The following POLN variants were observed in gnomAD, a reference collection of about 807,000 sequenced individuals.
POLN encodes DNA polymerase N.
Under a neutral mutation model 113.5 loss-of-function variants are expected in POLN, and 108 were observed. The observed-to-expected ratio is 0.95, with a 90% CI of 0.81 to 1.12. The LOEUF (loss-of-function observed/expected upper bound fraction) is 1.12. Ranked by LOEUF, POLN falls within the 50% of genes most tolerant of loss-of-function variation. POLN has a pLI of 0.00. For missense variants in POLN, 1,097 were observed against 1,077.1 expected (o/e 1.02, Z -0.26); for synonymous variants, 386 against 391.5 (o/e 0.99, Z 0.17).
Position 2,208,501 on chromosome 4 carries a change from G to T in POLN, c.214-14C>A, listed in dbSNP as rs1004645021. Reference sequence around the variant, plus strand: ...AGATTTAAGATCCTACAGAAAAATGGAAAATATTTCATTAGAATATGGACT... The same window carrying T: ...AGATTTAAGATCCTACAGAAAAATGTAAAATATTTCATTAGAATATGGACT... On this transcript the variant is annotated splice_polypyrimidine_tract_variant and intron_variant, in intron 4 of 25. Transcript: ENST00000511885. 1 of 1,492,438 alleles carries T rather than the reference G, an allele frequency of 6.7e-7. No individual in the cohort carries two copies. Among genetic ancestry groups the T allele is most frequent in the East Asian group, 2.3e-5 (1 of 43,966 alleles). 92.4% of individuals were successfully genotyped at this position (1,492,438 alleles called of 1,614,324 possible).
chr4:2,190,736 A>G (rs757543943), intron 7 of POLN, among the ~76,000 whole-genome samples: 1 of 152,212 alleles, frequency 6.6e-6, no homozygotes, highest in African/African-American at 2.4e-5. Flanking sequence ...TTCTGAAAAG[A>G]AGATATACAA....
chr4:2,074,903 G>A (rs748488509), intron 24 of POLN, among the ~76,000 whole-genome samples: 2 of 152,130 alleles, frequency 1.3e-5, no homozygotes, highest in Non-Finnish European at 2.9e-5. Context: ...AACCCCTTGG[G>A]CTGACCGCTG....
intron 20 of POLN, among the ~76,000 whole-genome samples, chr4:2,091,761 C>CTG (rs765518897): frequency 0.047 from 6,838 of 145,050 alleles, 394 homozygotes; most frequent in African/African-American, 0.13. Flanking sequence ...ACACGTGAAT[C>CTG]TGTGTGTGTG....
At position 2,126,645 on chromosome 4, in the gene POLN, C is replaced by G. The variant is rs1731588670; in HGVS notation, c.1982+1468G>C. On this transcript the variant is annotated intron_variant, in intron 19 of 25. Transcript: ENST00000511885. The surrounding 1 kb of genome is among the most constrained non-coding windows in gnomAD (Gnocchi z 4.6). ...GAGAGGAGTGGAGACCAGAGAGGAG[C>G]GGCGCCGTGCCCAGCATCAGGGGAG... Among the ~76,000 whole-genome samples the G allele has an allele frequency of 6.6e-6, 1 of 151,922 alleles. No individual in the cohort carries two copies. The highest frequency in any genetic ancestry group is 1.5e-5 in the Non-Finnish European group (1 of 67,998).
chr4:2,150,775 T>C (rs1441420783), intron 16 of POLN, among the ~76,000 whole-genome samples: 2 of 152,196 alleles, frequency 1.3e-5, no homozygotes, highest in Admixed American at 1.3e-4. Context: ...CTGGGACAAC[T>C]GGATGTCCAC....
chr4:2,233,339 T>C (rs1734649296), intron 2 of POLN, among the ~76,000 whole-genome samples: 1 of 152,208 alleles, frequency 6.6e-6, no homozygotes, highest in Non-Finnish European at 1.5e-5. Flanking sequence ...TTAAAATTGA[T>C]ACGGCATTTT....
chr4:2,203,110 C>T (rs1015484832), intron 5 of POLN, among the ~76,000 whole-genome samples: 2 of 152,080 alleles, frequency 1.3e-5, no homozygotes, highest in African/African-American at 4.8e-5. Flanking sequence ...ACAAAATGAG[C>T]CTCAATAAAT....
chr4:2,240,363 A>T (rs1734933779), intron 2 of POLN: 3 of 1,603,858 alleles, frequency 1.9e-6, no homozygotes, highest in Non-Finnish European at 1.7e-6. Flanking sequence ...AAATTGCGAT[A>T]AAAATACCAG....
chr4:2,162,354 G>A (rs1036500140), intron 13 of POLN, among the ~76,000 whole-genome samples: 1 of 151,452 alleles, frequency 6.6e-6, no homozygotes, highest in African/African-American at 2.4e-5. Context: ...CTGAGCCAGC[G>A]AGACCACGAA....
chr4:2,208,022 A>T lies in POLN; in HGVS notation c.679T>A (p.Tyr227Asn). 6.2e-7 allele frequency: 1 copy of T among 1,613,930 alleles called. No homozygotes were observed. The highest frequency in any genetic ancestry group is 8.5e-7 in the Non-Finnish European group (1 of 1,179,952). ...CCTAGCTGGGTGGAACCATCAGTATACATCACAGTTATCACCAGGGCTGCT... is the reference window on the plus strand; with the variant it reads ...CCTAGCTGGGTGGAACCATCAGTATTCATCACAGTTATCACCAGGGCTGCT... ...QAAALVITVMYTDGSTQLGAD... is the reference protein window; with the variant it reads ...QAAALVITVMNTDGSTQLGAD... The change falls in exon 5 of 26, where the codon TAT becomes AAT. Residue 227 changes from tyrosine to asparagine, a missense_variant. Tyr to Asn is a moderately radical substitution (Grantham distance 143). Transcript: ENST00000511885.
intron 3 of POLN, among the ~76,000 whole-genome samples, chr4:2,215,058 A>T (rs1417182348): frequency 6.6e-6 from 1 of 152,146 alleles, no homozygotes; most frequent in Admixed American, 6.6e-5. Flanking sequence ...GTTTCACAGA[A>T]ATATATGCAA....
At chr4:2,122,120 C>A (rs1233483800) in intron 19 of POLN, among the ~76,000 whole-genome samples, 1 of 152,044 alleles carries the variant, frequency 6.6e-6, no homozygotes, top group Non-Finnish European at 1.5e-5. Context: ...TGCCTTGAAT[C>A]GCAGAGATCC....
chr4:2,088,170 C>T (rs1432187368), intron 20 of POLN, among the ~76,000 whole-genome samples: 1 of 152,052 alleles, frequency 6.6e-6, no homozygotes, highest in Non-Finnish European at 1.5e-5. Context: ...TCAACAATCT[C>T]CACAGTACTC....
At position 2,084,560 on chromosome 4, in the gene POLN, C is replaced by T. The variant is rs34077682; in HGVS notation, c.2197+1053G>A. Reference sequence around the variant, plus strand: ...GCTAGTGTGGGCTGTGGCACAGATGCTGCCCACCTGCCCGTCTGCTGTGAG... The same window carrying T: ...GCTAGTGTGGGCTGTGGCACAGATGTTGCCCACCTGCCCGTCTGCTGTGAG... On this transcript the variant is annotated intron_variant, in intron 21 of 25. Coordinates refer to ENST00000511885, the MANE Select transcript of POLN (RefSeq NM_181808.4). 7.3e-3 allele frequency among the ~76,000 whole-genome samples: 1,119 copies of T among 152,256 alleles called. 4 individuals carry two copies. The highest frequency in any genetic ancestry group is 0.012 in the Non-Finnish European group (815 of 67,996).
At chr4:2,087,645 C>CTT in intron 20 of POLN, among the ~76,000 whole-genome samples, 1 of 152,236 alleles carries the variant, frequency 6.6e-6, no homozygotes, top group East Asian at 1.9e-4. Flanking sequence ...TTAATAGAAA[C>CTT]TTTAAAATCC....
chr4:2,231,058 T>C (rs1222122526), intron 2 of POLN: 1 of 152,220 alleles, frequency 6.6e-6, no homozygotes, highest in Non-Finnish European at 1.5e-5. Context: ...TCAGCTGTCT[T>C]GTAGAAACTT....
At chr4:2,213,429 T>C (rs1203990665) in intron 3 of POLN, among the ~76,000 whole-genome samples, 1 of 152,236 alleles carries the variant, frequency 6.6e-6, no homozygotes, top group African/African-American at 2.4e-5. Context: ...TCAACTTTTA[T>C]AGAAACCTTA....
At chr4:2,217,412 T>C (rs960826360) in intron 3 of POLN, among the ~76,000 whole-genome samples, 1 of 152,216 alleles carries the variant, frequency 6.6e-6, no homozygotes, top group African/African-American at 2.4e-5. Flanking sequence ...GCACCAATGA[T>C]GTCATGGGTT....
At chr4:2,176,551 T>C (rs34381126) in intron 8 of POLN, among the ~76,000 whole-genome samples, 4,395 of 152,272 alleles carry the variant, frequency 0.029, 159 homozygotes, top group East Asian at 0.11. Flanking sequence ...AAGCTATCCA[T>C]AGCTGGACAC....
Sources: gnomAD v4.1 joint callset for allele counts (sites outside exome capture counted in the v4.1 genomes callset) on GRCh38, gnomAD v4.1.1 for gene constraint, Gnocchi (gnomAD v3.1) non-coding constraint, MANE v1.5 for transcripts, NCBI Gene and HGNC (gene_info 2026-07-23, HGNC 2026-07-21) for gene names.